Variants in OXR1 observed in about 807,000 individuals in gnomAD.
The protein encoded by OXR1 is oxidation resistance 1.
Under a neutral mutation model 104.6 loss-of-function variants are expected in OXR1, and 41 were observed. That is an observed-to-expected ratio of 0.39 (90% confidence interval 0.31 to 0.51). The LOEUF is 0.51. Ranked by LOEUF, OXR1 falls within the 20% of genes least tolerant of loss-of-function variation. The pLI is 0.77. For synonymous variants in OXR1, 348 were observed against 348.4 expected, an observed-to-expected ratio of 1.00 and a Z score of 0.01; for missense variants, 955 against 1,031.9, an observed-to-expected ratio of 0.93 and a Z score of 1.02.
At chr8:106,501,060 G>A (rs1045465355) in intron 2 of OXR1, among the ~76,000 whole-genome samples, 2 of 152,182 alleles carry the variant, frequency 1.3e-5, no homozygotes, top group Admixed American at 1.3e-4. Context: ...ATGACAAAAA[G>A]CCAGATGTGA....
chr8:106,728,187 C>T (rs1186673008), intron 11 of OXR1, among the ~76,000 whole-genome samples: 1 of 142,906 alleles, frequency 7.0e-6, no homozygotes, highest in Non-Finnish European at 1.5e-5. Flanking sequence ...AAGATTTTGC[C>T]TGACAAGGGG....
intron 2 of OXR1, among the ~76,000 whole-genome samples, chr8:106,414,507 A>G (rs188650099): frequency 1.0e-3 from 155 of 152,306 alleles, no homozygotes; most frequent in African/African-American, 3.0e-3. Flanking sequence ...ATTCAAAATC[A>G]AATCTATCTC....
chr8:106,536,226 AAAAG>A (rs144607017), intron 3 of OXR1, among the ~76,000 whole-genome samples: 87,618 of 144,834 alleles, frequency 0.6, 26,629 homozygotes, highest in Admixed American at 0.69. Flanking sequence ...TCTCAAAAAA[AAAAG>A]AAAGAAAGAA....
chr8:106,275,272 C>T (rs1432746525), intron 1 of OXR1, among the ~76,000 whole-genome samples: 1 of 152,152 alleles, frequency 6.6e-6, no homozygotes, highest in Non-Finnish European at 1.5e-5. Flanking sequence ...TTTTCCTTTC[C>T]TTAGCAAATG....
chr8:106,613,412 T>G (rs1820959460), intron 3 of OXR1, among the ~76,000 whole-genome samples: 4 of 152,252 alleles, frequency 2.6e-5, no homozygotes, highest in Admixed American at 2.6e-4. Flanking sequence ...ATGTCCTTCT[T>G]TTTGAGTCAG....
intron 1 of OXR1, among the ~76,000 whole-genome samples, chr8:106,325,616 T>A (rs1370016492): frequency 1.3e-5 from 2 of 152,338 alleles, no homozygotes; most frequent in South Asian, 2.1e-4. Context: ...TCAGTACATG[T>A]GATTCTTTAC....
intron 6 of OXR1, among the ~76,000 whole-genome samples, chr8:106,692,233 C>T (rs1029337093): frequency 6.6e-5 from 10 of 151,866 alleles, no homozygotes; most frequent in South Asian, 2.1e-4. Context: ...AACTGTAGCT[C>T]GAGATTTAAA....
chr8:106,455,056 A>G (rs989919491), intron 2 of OXR1, among the ~76,000 whole-genome samples: 1 of 152,176 alleles, frequency 6.6e-6, no homozygotes, highest in African/African-American at 2.4e-5. Flanking sequence ...TTGATTAAAT[A>G]TGGTTTGATA....
At chr8:106,462,918 C>A (rs942459536) in intron 2 of OXR1, among the ~76,000 whole-genome samples, 2 of 152,132 alleles carry the variant, frequency 1.3e-5, no homozygotes, top group African/African-American at 4.8e-5. Context: ...AAACCACCTA[C>A]ATTCTTTCCA....
At chr8:106,571,606 T>C (rs1163326913) in intron 3 of OXR1, among the ~76,000 whole-genome samples, 1 of 152,078 alleles carries the variant, frequency 6.6e-6, no homozygotes, top group Non-Finnish European at 1.5e-5. Context: ...ATTTATTCCA[T>C]CCCAACAGCC....
intron 3 of OXR1, among the ~76,000 whole-genome samples, chr8:106,529,867 T>C (rs1352150112): frequency 1.3e-5 from 2 of 152,226 alleles, no homozygotes; most frequent in African/African-American, 4.8e-5. Flanking sequence ...ATTAAACCTA[T>C]ACTGGTTTAA....
intron 3 of OXR1, among the ~76,000 whole-genome samples, chr8:106,630,062 T>G (rs551072477): frequency 6.6e-6 from 1 of 152,318 alleles, no homozygotes; most frequent in East Asian, 1.9e-4. Context: ...CTCTTCTTTA[T>G]ATAGGGAGAT....
At chr8:106,581,082 T>G (rs1352239810) in intron 3 of OXR1, 1 of 1,202,194 alleles carries the variant, frequency 8.3e-7, no homozygotes, top group Non-Finnish European at 1.0e-6. Flanking sequence ...CTGCTAAAGA[T>G]GGAGGAAAAA....
intron 2 of OXR1, among the ~76,000 whole-genome samples, chr8:106,444,935 A>T (rs1014230044): frequency 6.6e-6 from 1 of 152,182 alleles, no homozygotes. Flanking sequence ...GCATTATGAT[A>T]ATTTAATATA....
chr8:106,669,772 T>C (rs980954213), intron 3 of OXR1, among the ~76,000 whole-genome samples: 1 of 152,184 alleles, frequency 6.6e-6, no homozygotes, highest in Non-Finnish European at 1.5e-5. Context: ...TTCCAGACTT[T>C]CTACAGCATA....
chr8:106,500,001 A>C (rs761770231), intron 2 of OXR1, among the ~76,000 whole-genome samples: 7 of 152,230 alleles, frequency 4.6e-5, no homozygotes, highest in Non-Finnish European at 8.8e-5. Context: ...CTGTGCCAAA[A>C]GCCAGTGACC....
intron 3 of OXR1, among the ~76,000 whole-genome samples, chr8:106,663,553 A>G (rs186315604): frequency 9.1e-4 from 139 of 152,322 alleles, no homozygotes; most frequent in African/African-American, 3.1e-3. Context: ...ATGATGGTTT[A>G]TCTTGAACCC....
At chr8:106,686,939 A>C (rs1405085902) in intron 6 of OXR1, among the ~76,000 whole-genome samples, 1 of 152,232 alleles carries the variant, frequency 6.6e-6, no homozygotes, top group Non-Finnish European at 1.5e-5. Context: ...AAAATAGCTA[A>C]AATGTAGTAT....
chr8:106,732,623 T>C (rs956271710), intron 11 of OXR1, among the ~76,000 whole-genome samples: 1 of 152,190 alleles, frequency 6.6e-6, no homozygotes, highest in African/African-American at 2.4e-5. Context: ...ATTTTTTGTA[T>C]CTGTTGATAA....
Sources: allele counts gnomAD v4.1 joint callset (sites outside exome capture counted in the v4.1 genomes callset), GRCh38; gene constraint gnomAD v4.1.1; transcripts MANE v1.5; gene names NCBI Gene and HGNC (gene_info 2026-07-23, HGNC 2026-07-21).